KAT6B: variants seen among roughly 807,000 people sequenced by gnomAD.
KAT6B encodes lysine acetyltransferase 6B, also known as histone acetyltransferase KAT6B.
Under a neutral mutation model 187.5 loss-of-function variants are expected in KAT6B, and 10 were observed. The ratio of observed to expected loss-of-function variants is 0.05; its 90% confidence interval spans 0.03 to 0.09. The LOEUF is 0.09. Ranked by LOEUF, KAT6B falls within the 10% of genes least tolerant of loss-of-function variation. The probability of loss-of-function intolerance (pLI) is 1.00; values close to 1 mark genes in which losing one functional copy is unlikely to be tolerated. For synonymous variants in KAT6B, 861 were observed against 926.8 expected, an observed-to-expected ratio of 0.93 and a Z score of 1.29; for missense variants, 1,952 against 2,558.9, an observed-to-expected ratio of 0.76 and a Z score of 5.12.
At position 75,032,386 on chromosome 10, in the gene KAT6B, A is replaced by C. The variant is rs1846373076; in HGVS notation, c.*1340A>C. 5.2e-6 allele frequency: 1 copy of C among 192,316 alleles called. No homozygotes were observed. Among genetic ancestry groups the C allele is most frequent in the Non-Finnish European group, 1.1e-5 (1 of 91,744 alleles). 11.9% of individuals were successfully genotyped at this position (192,316 alleles called of 1,614,324 possible). A position where few individuals can be genotyped will look rare whatever the true frequency, so the allele number is the denominator to read the frequency against. ...CTCAGAACACATACACATTTTGGGA[A>C]AATAAATTATTTAGTGTAAATTGGA... On this transcript the variant is annotated 3_prime_UTR_variant, in exon 18 of 18. Transcript: ENST00000287239.
intron 16 of KAT6B, 61 bp from the exon 17 acceptor site, chr10:75,024,897 A>G: frequency 6.6e-7 from 1 of 1,505,156 alleles, no homozygotes; most frequent in Non-Finnish European, 9.2e-7. Flanking sequence ...TCTACTGCAT[A>G]TCGACTCAAC....
At chr10:74,889,240 T>C (rs1417805506) in intron 3 of KAT6B, among the ~76,000 whole-genome samples, 3 of 152,210 alleles carry the variant, frequency 2.0e-5, no homozygotes, top group African/African-American at 4.8e-5. Flanking sequence ...TAACGAAAAA[T>C]TTTAAAAATA....
chr10:75,028,858 A>G lies in KAT6B; in HGVS notation c.4034A>G (p.Asp1345Gly), dbSNP rs1343772134. The G allele has an allele frequency of 1.2e-6, 2 of 1,614,112 alleles. No individual in the cohort carries two copies. Among genetic ancestry groups the G allele is most frequent in the South Asian group, 2.2e-5 (2 of 91,076 alleles). ...ACATCACCAGGTGAAAAACCAGAAG[A>G]TGATCTCATCAAACCTGAGGAAGAG... Reference protein sequence around the residue: ...PNTSPGEKPEDDLIKPEEEEE... With the variant: ...PNTSPGEKPEGDLIKPEEEEE... Residue 1345 changes from aspartate to glycine, a missense_variant, in exon 18 of 18, where the codon GAT (aspartate) becomes GGT (glycine). This residue lies in a region of KAT6B where 758 missense variants were observed against 891.4 expected (regional missense o/e 0.85). Coordinates refer to ENST00000287239, the MANE Select transcript of KAT6B (RefSeq NM_012330.4).
intron 3 of KAT6B, among the ~76,000 whole-genome samples, chr10:74,877,272 A>G (rs1372665084): frequency 6.6e-6 from 1 of 152,122 alleles, no homozygotes; most frequent in African/African-American, 2.4e-5. Context: ...AGCCAAGAAA[A>G]CTTTTAAAGA....
chr10:74,928,709 T>G (rs142507206), intron 3 of KAT6B, among the ~76,000 whole-genome samples: 2 of 152,346 alleles, frequency 1.3e-5, no homozygotes, highest in East Asian at 3.9e-4. Flanking sequence ...TTTAAGACTT[T>G]AAAGGTTTTA....
intron 17 of KAT6B, among the ~76,000 whole-genome samples, chr10:75,027,054 G>A (rs373930860): frequency 7.5e-4 from 114 of 152,168 alleles, no homozygotes; most frequent in Middle Eastern, 3.4e-3. Flanking sequence ...CAGGAGAATC[G>A]CTTGAACCTG....
At chr10:74,869,702 T>C (rs1321092456) in intron 3 of KAT6B, among the ~76,000 whole-genome samples, 1 of 152,264 alleles carries the variant, frequency 6.6e-6, no homozygotes, top group African/African-American at 2.4e-5. Flanking sequence ...GCCTTTATTA[T>C]AGTCTAATTA....
At position 74,839,178 on chromosome 10, in the gene KAT6B, G is replaced by A. The variant is rs1841542014; in HGVS notation, c.-259+426G>A. On this transcript the variant is annotated intron_variant, in intron 2 of 17. Coordinates refer to ENST00000287239, the MANE Select transcript of KAT6B (RefSeq NM_012330.4). ...CCCCCAAAAAAAAAAAAATGATTGT[G>A]GTAAAAGCTTGTCATGAAGGTATAT... Among the ~76,000 whole-genome samples the A allele has an allele frequency of 2.0e-5, 3 of 151,482 alleles. No individual in the cohort carries two copies. In the South Asian group the frequency reaches 6.3e-4, roughly 32 times the overall value.
chr10:74,851,860 A>G (rs749037070), intron 3 of KAT6B, among the ~76,000 whole-genome samples: 11 of 152,340 alleles, frequency 7.2e-5, no homozygotes, highest in South Asian at 2.1e-4. Flanking sequence ...GTTTACACAC[A>G]TGAATTAGAT....
intron 1 of KAT6B, among the ~76,000 whole-genome samples, chr10:74,833,196 T>C (rs1841010982): frequency 6.6e-6 from 1 of 152,004 alleles, no homozygotes; most frequent in Admixed American, 6.6e-5. Context: ...TCTCGGTCTT[T>C]GTCATCAAAA....
At chr10:74,905,005 A>G (rs1040128742) in intron 3 of KAT6B, among the ~76,000 whole-genome samples, 12 of 152,222 alleles carry the variant, frequency 7.9e-5, no homozygotes, top group African/African-American at 2.7e-4. Flanking sequence ...TGGGGAGACA[A>G]AATGAGTTAT....
At chr10:74,898,594 T>C (rs1846152389) in intron 3 of KAT6B, among the ~76,000 whole-genome samples, 1 of 152,126 alleles carries the variant, frequency 6.6e-6, no homozygotes. Flanking sequence ...TCTCATGCAG[T>C]TAAGAGAACA....
intron 13 of KAT6B, among the ~76,000 whole-genome samples, chr10:75,007,268 A>G (rs887999056): frequency 6.6e-6 from 1 of 152,106 alleles, no homozygotes. Flanking sequence ...TCAATCAAGC[A>G]CTGGATCTAG....
chr10:74,842,776 G>T lies in KAT6B; in HGVS notation c.-82G>T. 6.9e-7 allele frequency: 1 copy of T among 1,447,054 alleles called. No individual in the cohort carries two copies. Among genetic ancestry groups the T allele is most frequent in the South Asian group, 1.1e-5 (1 of 87,806 alleles). 89.6% of individuals were successfully genotyped at this position (1,447,054 alleles called of 1,614,324 possible). A position where few individuals can be genotyped will look rare whatever the true frequency, so the allele number is the denominator to read the frequency against. ...TCTGTCCATTTGTTGAATTGTAAAT[G>T]ACTTTCAAATGTGCAAGTTCTGTTA... is the stretch of plus-strand genomic sequence containing the variant. On this transcript the variant is annotated 5_prime_UTR_variant, in exon 3 of 18. The change abolishes an upstream ATG in the 5' untranslated region. Coordinates refer to ENST00000287239, the MANE Select transcript of KAT6B (RefSeq NM_012330.4).
intron 3 of KAT6B, among the ~76,000 whole-genome samples, chr10:74,888,587 G>A (rs1845447663): frequency 2.6e-5 from 4 of 152,000 alleles, no homozygotes; most frequent in African/African-American, 7.2e-5. Context: ...ATTCTTTGGC[G>A]GCAATGAGAA....
rs760153773 is a variant in KAT6B at position 75,025,065 on chromosome 10, T to C, written c.3480T>C (p.Phe1160=). 1 of 1,614,184 alleles carries C rather than the reference T, an allele frequency of 6.2e-7. No homozygotes were observed. The highest frequency in any genetic ancestry group is 8.5e-7 in the Non-Finnish European group (1 of 1,180,036). The stretch of plus-strand genomic sequence containing the variant: ...CGACAGAAGTACTGAATGAGCCCTT[T>C]GACAACTCAGATGAAGAGAGGCCAA... The part of the protein sequence containing the change: ...SETTEVLNEP[F]DNSDEERPMP... The change falls in exon 17 of 18, where the codon TTT becomes TTC. Residue 1160 remains phenylalanine, a synonymous_variant. Transcript: ENST00000287239.
intron 3 of KAT6B, among the ~76,000 whole-genome samples, chr10:74,901,262 G>T (rs531821565): frequency 6.6e-6 from 1 of 152,214 alleles, no homozygotes; most frequent in East Asian, 1.9e-4. Context: ...CTTCACGGAG[G>T]TTTTCATGCT....
At chr10:74,919,526 G>A (rs1364943278) in intron 3 of KAT6B, among the ~76,000 whole-genome samples, 35 of 151,806 alleles carry the variant, frequency 2.3e-4, no homozygotes, top group Admixed American at 2.2e-3. Flanking sequence ...TCAGCCTCCC[G>A]AGCAGCTGGG....
intron 13 of KAT6B, among the ~76,000 whole-genome samples, chr10:74,999,033 AC>A (rs1564613850): frequency 6.6e-6 from 1 of 152,278 alleles, no homozygotes; most frequent in Admixed American, 6.5e-5. Flanking sequence ...GCAAAGCAAA[AC>A]AAATACATTT....
Sources: allele counts gnomAD v4.1 joint callset (sites outside exome capture counted in the v4.1 genomes callset), GRCh38; gene constraint gnomAD v4.1.1; regional missense constraint gnomAD v4.1.1; transcripts MANE v1.5; gene names NCBI Gene and HGNC (gene_info 2026-07-23, HGNC 2026-07-21).